TACR3: variants seen among roughly 807,000 people sequenced by gnomAD.
TACR3 encodes the protein tachykinin receptor 3.
Under a neutral mutation model 35.0 loss-of-function variants are expected in TACR3, and 34 were observed. The ratio of observed to expected loss-of-function variants is 0.97; its 90% CI spans 0.74 to 1.30. TACR3 has a LOEUF of 1.30. TACR3 is among the 50% of genes most tolerant of loss of function. The pLI, the probability that TACR3 is intolerant of heterozygous loss-of-function variation, is 0.00. For synonymous variants in TACR3, 233 were observed against 221.1 expected (o/e 1.05, Z -0.48); for missense variants, 558 against 591.7 (o/e 0.94, Z 0.59).
intron 3 of TACR3, among the ~76,000 whole-genome samples, chr4:103,619,752 G>GGT (rs1369508316): frequency 1.3e-5 from 2 of 152,068 alleles, no homozygotes; most frequent in African/African-American, 4.8e-5. Flanking sequence ...TTTATCAAAA[G>GGT]GTTTTTCTGC....
At chr4:103,626,370 C>T (rs538862753) in intron 3 of TACR3, among the ~76,000 whole-genome samples, 52 of 152,094 alleles carry the variant, frequency 3.4e-4, no homozygotes, top group Admixed American at 2.6e-3. Flanking sequence ...ACCAAAAGGA[C>T]GCTAAGACAA....
At chr4:103,672,837 G>A (rs1726082612) in intron 1 of TACR3, among the ~76,000 whole-genome samples, 1 of 152,150 alleles carries the variant, frequency 6.6e-6, no homozygotes, top group South Asian at 2.1e-4. Context: ...AGACTGTTTT[G>A]TCTACATTGA....
At chr4:103,630,916 A>T (rs552547716) in intron 3 of TACR3, among the ~76,000 whole-genome samples, 1 of 152,296 alleles carries the variant, frequency 6.6e-6, no homozygotes, top group African/African-American at 2.4e-5. Flanking sequence ...AATAGCAAAG[A>T]CTTGGAACCA....
At chr4:103,616,387 G>C (rs1334360243) in intron 3 of TACR3, among the ~76,000 whole-genome samples, 1 of 151,828 alleles carries the variant, frequency 6.6e-6, no homozygotes, top group African/African-American at 2.4e-5. Flanking sequence ...ATATAGTATT[G>C]TACAATGTAA....
rs1195188204 is a variant in TACR3, at chr4:103,719,145, C to G, written c.531G>C (p.Thr177=). 2 of 1,614,168 alleles carry G rather than the reference C, an allele frequency of 1.2e-6. No homozygotes were observed. Among genetic ancestry groups the G allele is most frequent in the Admixed American group, 1.7e-5 (1 of 60,020 alleles). ...TAVFASIYSM[T]AIAVDRYMAI... Reference sequence around the variant, plus strand: ...CTCCTCACCTGTCCACCGCAATGGCCGTCATGGAGTAGATGCTGGCGAACA... The same window carrying G: ...CTCCTCACCTGTCCACCGCAATGGCGGTCATGGAGTAGATGCTGGCGAACA... Residue 177 remains threonine, a synonymous_variant, in exon 1 of 5, where the codon ACG becomes ACC. Coordinates refer to ENST00000304883, the MANE Select transcript of TACR3 (RefSeq NM_001059.3).
intron 1 of TACR3, among the ~76,000 whole-genome samples, chr4:103,685,717 AC>A (rs1473675818): frequency 1.3e-5 from 2 of 152,142 alleles, no homozygotes. Context: ...CTCCCCCAAA[AC>A]CGAAAAAGAA....
intron 3 of TACR3, among the ~76,000 whole-genome samples, chr4:103,598,980 G>T (rs1243108336): frequency 1.3e-5 from 2 of 151,968 alleles, no homozygotes; most frequent in African/African-American, 4.8e-5. Context: ...GTTTTTCCCA[G>T]TTCTGTGAAG....
In TACR3 at chr4:103,719,223, C is replaced by T; in HGVS notation, c.453G>A (p.Trp151Ter). ...VNFIYALHSE[W>*]YFGANYCRFQ... Reference sequence around the variant, plus strand: ...AGCGGCAGTAGTTGGCGCCAAAGTACCACTCGCTATGAAGCGCGTAGATGA... The same window carrying T: ...AGCGGCAGTAGTTGGCGCCAAAGTATCACTCGCTATGAAGCGCGTAGATGA... The change falls in exon 1 of 5, where the codon TGG becomes TGA. Residue 151 changes from tryptophan to a stop codon, truncating the protein, a stop_gained. Transcript: ENST00000304883. LOFTEE classifies it high-confidence loss of function. 6.2e-7 allele frequency: 1 copy of T among 1,614,186 alleles called. No homozygotes were observed. Among genetic ancestry groups the T allele is most frequent in the Non-Finnish European group, 8.5e-7 (1 of 1,180,052 alleles).
chr4:103,643,721 G>A lies in TACR3; in HGVS notation c.888+12473C>T, dbSNP rs963320493. ...TGATTGTATAAAATCTATAATAATT[G>A]ATATAATTCTCAGTTGTGTGTGTGC... On this transcript the variant is annotated intron_variant, in intron 3 of 4. Coordinates refer to ENST00000304883, the MANE Select transcript of TACR3 (RefSeq NM_001059.3). 2.0e-5 allele frequency among the ~76,000 whole-genome samples: 3 copies of A among 151,658 alleles called. No individual in the cohort carries two copies. The South Asian group carries it at 6.2e-4, about 31-fold the overall frequency.
At chr4:103,711,046 C>G (rs866657099) in intron 1 of TACR3, among the ~76,000 whole-genome samples, 4 of 152,138 alleles carry the variant, frequency 2.6e-5, no homozygotes, top group Non-Finnish European at 5.9e-5. Flanking sequence ...GATTCACAGC[C>G]AAATTCTACC....
intron 1 of TACR3, among the ~76,000 whole-genome samples, chr4:103,690,337 A>G (rs1722373989): frequency 6.6e-6 from 1 of 152,172 alleles, no homozygotes; most frequent in Non-Finnish European, 1.5e-5. Context: ...AGAGTAAATG[A>G]GTAAAAATAC....
chr4:103,647,710 T>C (rs1321629189), intron 3 of TACR3, among the ~76,000 whole-genome samples: 1 of 151,916 alleles, frequency 6.6e-6, no homozygotes, highest in African/African-American at 2.4e-5. Context: ...ATTTAAGAGG[T>C]TCAACACTCT....
chr4:103,638,382 G>C (rs950326178), intron 3 of TACR3, among the ~76,000 whole-genome samples: 41 of 152,022 alleles, frequency 2.7e-4, no homozygotes, highest in African/African-American at 9.4e-4. Context: ...AAACTGGCTA[G>C]CCATATGTAG....
Position 103,653,712 on chromosome 4 carries a change from T to A in TACR3, c.888+2482A>T, listed in dbSNP as rs547077520. On this transcript the variant is annotated intron_variant, in intron 3 of 4. Transcript: ENST00000304883. ...ATTGACAAATGGGATCTAATTAAACTAAAGAGCTTCTGCACAGCAAAAGAA... is the reference window on the plus strand; with the variant it reads ...ATTGACAAATGGGATCTAATTAAACAAAAGAGCTTCTGCACAGCAAAAGAA... Among the ~76,000 whole-genome samples, 3 of 151,862 alleles carry A rather than the reference T, an allele frequency of 2.0e-5. No homozygotes were observed. The East Asian group carries it at 5.8e-4, about 29-fold the overall frequency.
intron 1 of TACR3, among the ~76,000 whole-genome samples, chr4:103,686,856 A>G (rs1304861047): frequency 2.6e-5 from 4 of 152,136 alleles, no homozygotes; most frequent in African/African-American, 9.7e-5. Context: ...AAACTATTCC[A>G]ATCAATAGAA....
At chr4:103,597,079 T>C (rs943026906) in intron 3 of TACR3, among the ~76,000 whole-genome samples, 1 of 151,982 alleles carries the variant, frequency 6.6e-6, no homozygotes, top group Admixed American at 6.6e-5. Context: ...CATGCGTCTT[T>C]ATAGCAGCAT....
intron 3 of TACR3, among the ~76,000 whole-genome samples, chr4:103,623,249 T>C (rs1578230920): frequency 6.6e-6 from 1 of 152,274 alleles, no homozygotes; most frequent in East Asian, 1.9e-4. Context: ...TATAAACTTT[T>C]TTCCACTCAA....
intron 1 of TACR3, among the ~76,000 whole-genome samples, chr4:103,701,032 T>C (rs1722638080): frequency 6.6e-6 from 1 of 152,152 alleles, no homozygotes; most frequent in Non-Finnish European, 1.5e-5. Flanking sequence ...CAACATAGTA[T>C]TGGAAGTTCT....
chr4:103,629,829 C>T (rs1444858857), intron 3 of TACR3, among the ~76,000 whole-genome samples: 5 of 124,068 alleles, frequency 4.0e-5, no homozygotes, highest in African/African-American at 1.3e-4. Flanking sequence ...GCCCACATTG[C>T]CAAGACAATC....
Sources: allele counts gnomAD v4.1 joint callset (sites outside exome capture counted in the v4.1 genomes callset), GRCh38; gene constraint gnomAD v4.1.1; transcripts MANE v1.5; gene names NCBI Gene and HGNC (gene_info 2026-07-23, HGNC 2026-07-21).